The following SLC9A9 variants were observed in gnomAD, a reference collection of about 807,000 sequenced individuals.
SLC9A9 encodes the protein solute carrier family 9 member A9, also known as sodium/hydrogen exchanger 9.
A neutral mutation model predicts 77.8 loss-of-function variants in SLC9A9; 62 were observed. The ratio of observed to expected loss-of-function variants is 0.80; its 90% CI spans 0.65 to 0.98. The LOEUF is 0.98. Among genes scored for constraint, SLC9A9 ranks in the 50% least tolerant of loss-of-function variants. The probability of loss-of-function intolerance (pLI) is 0.00; values close to 1 mark genes in which losing one functional copy is unlikely to be tolerated. For missense variants in SLC9A9, 775 were observed against 774.9 expected (o/e 1.00, Z 0.00); for synonymous variants, 320 against 283.5 (o/e 1.13, Z -1.29).
At chr3:143,500,985 A>G (rs1395268319) in intron 9 of SLC9A9, among the ~76,000 whole-genome samples, 1 of 150,510 alleles carries the variant, frequency 6.6e-6, no homozygotes, top group African/African-American at 2.5e-5. Flanking sequence ...ATAACCAGAA[A>G]CCAAAGATGG....
chr3:143,458,995 G>A (rs576994001), intron 12 of SLC9A9, among the ~76,000 whole-genome samples: 43 of 151,966 alleles, frequency 2.8e-4, no homozygotes, highest in Admixed American at 1.2e-3. Context: ...TCAAGTTCAC[G>A]GAATCTTTCA....
Position 143,266,551 on chromosome 3 carries a change from C to G in SLC9A9, c.*151G>C. ...AATAAAATCTCATTTCTTCAGGCAC[C>G]AGAGGATCCATGTGACAAGGCTTTG... is the stretch of plus-strand genomic sequence containing the variant. On this transcript the variant is annotated 3_prime_UTR_variant, in exon 16 of 16. Coordinates refer to ENST00000316549, the MANE Select transcript of SLC9A9 (RefSeq NM_173653.4). 1 of 772,926 alleles carries G rather than the reference C, an allele frequency of 1.3e-6. No homozygotes were observed. Among genetic ancestry groups the G allele is most frequent in the South Asian group, 1.6e-5 (1 of 63,442 alleles). The allele number at this position is 772,926 out of a possible 1,614,324, so 47.9% of individuals were successfully genotyped here.
chr3:143,689,356 A>G (rs1336852853), intron 5 of SLC9A9, among the ~76,000 whole-genome samples: 1 of 152,140 alleles, frequency 6.6e-6, no homozygotes, highest in African/African-American at 2.4e-5. Flanking sequence ...GATTGAATAA[A>G]CTATGGGGTA....
In SLC9A9 at chr3:143,272,943, C is replaced by A. The variant is rs147464663; in HGVS notation, c.1605-3963G>T. ...GGAACTCTACCCAGAATTTAACTTGCGTGAAATAGGAAAGACAGTTAGCAA... is the reference window on the plus strand; with the variant it reads ...GGAACTCTACCCAGAATTTAACTTGAGTGAAATAGGAAAGACAGTTAGCAA... On this transcript the variant is annotated intron_variant, in intron 14 of 15. Transcript: ENST00000316549. Among the ~76,000 whole-genome samples, 16 of 152,264 alleles carry A rather than the reference C, an allele frequency of 1.1e-4. 1 individual carries two copies. The East Asian group carries it at 2.9e-3, about 28-fold the overall frequency.
At chr3:143,832,980 C>A (rs4839671) in intron 1 of SLC9A9, among the ~76,000 whole-genome samples, 1 of 152,090 alleles carries the variant, frequency 6.6e-6, no homozygotes, top group African/African-American at 2.4e-5. Flanking sequence ...ATTCTAATGA[C>A]ACCACATTCC....
intron 9 of SLC9A9, among the ~76,000 whole-genome samples, chr3:143,523,078 A>G (rs940072567): frequency 1.3e-5 from 2 of 152,122 alleles, no homozygotes; most frequent in African/African-American, 4.8e-5. Flanking sequence ...CCATGGGGAG[A>G]AAAAGAGAAA....
At chr3:143,504,066 G>A (rs986687254) in intron 9 of SLC9A9, 2 of 500,764 alleles carry the variant, frequency 4.0e-6, no homozygotes, top group Non-Finnish European at 7.9e-6. Flanking sequence ...GATTTCCACT[G>A]ATGACAAGCT....
intron 2 of SLC9A9, among the ~76,000 whole-genome samples, chr3:143,813,356 G>C (rs1174841781): frequency 6.6e-6 from 1 of 152,166 alleles, no homozygotes; most frequent in African/African-American, 2.4e-5. Context: ...ACCAGCCGGG[G>C]AGTACTGGAA....
chr3:143,723,468 G>A (rs892192586), intron 4 of SLC9A9, among the ~76,000 whole-genome samples: 4 of 152,216 alleles, frequency 2.6e-5, no homozygotes, highest in African/African-American at 7.2e-5. Flanking sequence ...CACATCCCCG[G>A]GGAGTGGGGA....
chr3:143,777,917 G>C (rs2007745882), intron 4 of SLC9A9, among the ~76,000 whole-genome samples: 1 of 150,908 alleles, frequency 6.6e-6, no homozygotes, highest in Non-Finnish European at 1.5e-5. Flanking sequence ...GTTTCACCAT[G>C]TTGGTCAGGC....
intron 12 of SLC9A9, among the ~76,000 whole-genome samples, chr3:143,422,310 G>A (rs543443876): frequency 7.9e-5 from 12 of 152,224 alleles, no homozygotes; most frequent in African/African-American, 1.7e-4. Context: ...TGTGTTCATC[G>A]CAGCACTATT....
intron 6 of SLC9A9, among the ~76,000 whole-genome samples, chr3:143,603,086 C>A (rs1051731910): frequency 1.3e-5 from 2 of 152,196 alleles, no homozygotes; most frequent in African/African-American, 4.8e-5. Context: ...AGGCCTGCAC[C>A]TTTTCATACC....
intron 6 of SLC9A9, among the ~76,000 whole-genome samples, chr3:143,615,559 T>A (rs1262316572): frequency 6.6e-6 from 1 of 151,524 alleles, no homozygotes; most frequent in Non-Finnish European, 1.5e-5. Context: ...ATCACTGGAA[T>A]TGGATGGAAG....
In SLC9A9 at chr3:143,524,846, C is replaced by G. The variant is rs116490107; in HGVS notation, c.1089+27516G>C. Among the ~76,000 whole-genome samples the G allele has an allele frequency of 6.2e-3, 951 of 152,270 alleles. 11 individuals are homozygous for G. Among genetic ancestry groups the G allele is most frequent in the African/African-American group, 0.022 (908 of 41,560 alleles). On this transcript the variant is annotated intron_variant, in intron 9 of 15. Coordinates refer to ENST00000316549, the MANE Select transcript of SLC9A9 (RefSeq NM_173653.4). ...TGAGAATACGTTGTAATAAAGTGAG[C>G]CTGCCTCTCCTGTTTTGCTTCTTTG... is the stretch of plus-strand genomic sequence containing the variant.
At chr3:143,433,632 A>T (rs1038115790) in intron 12 of SLC9A9, among the ~76,000 whole-genome samples, 24 of 152,352 alleles carry the variant, frequency 1.6e-4, no homozygotes, top group African/African-American at 5.8e-4. Context: ...TAAGCCCAGG[A>T]GGCAGGCATA....
At chr3:143,676,779 C>A (rs1419270487) in intron 5 of SLC9A9, among the ~76,000 whole-genome samples, 1 of 151,966 alleles carries the variant, frequency 6.6e-6, no homozygotes, top group Non-Finnish European at 1.5e-5. Context: ...AACAAAAAAA[C>A]CCAGCACGTG....
intron 12 of SLC9A9, among the ~76,000 whole-genome samples, chr3:143,432,684 G>A (rs2034543144): frequency 6.6e-6 from 1 of 152,186 alleles, no homozygotes; most frequent in Admixed American, 6.5e-5. Context: ...CTGGAGTGCA[G>A]TGGCGTGATC....
intron 4 of SLC9A9, among the ~76,000 whole-genome samples, chr3:143,746,808 A>G (rs370565785): frequency 6.6e-6 from 1 of 152,172 alleles, no homozygotes; most frequent in Non-Finnish European, 1.5e-5. Flanking sequence ...TTTCTCAGTC[A>G]TTTGCTATCA....
chr3:143,772,202 G>A (rs76084848), intron 4 of SLC9A9, among the ~76,000 whole-genome samples: 35 of 152,206 alleles, frequency 2.3e-4, no homozygotes, highest in African/African-American at 8.2e-4. Context: ...ACACATGCTT[G>A]AAATCCAGAG....
Sources: gnomAD v4.1 joint callset for allele counts (sites outside exome capture counted in the v4.1 genomes callset) on GRCh38, gnomAD v4.1.1 for gene constraint, MANE v1.5 for transcripts, NCBI Gene and HGNC (gene_info 2026-07-23, HGNC 2026-07-21) for gene names.